Variants in ADGRF5 observed in about 807,000 individuals in gnomAD.
ADGRF5 encodes the protein G-protein coupled receptor 116.
ADGRF5 carries 75 observed loss-of-function variants against 132.3 expected under a neutral mutation model. The ratio of observed to expected loss-of-function variants is 0.57; its 90% CI spans 0.47 to 0.69. The LOEUF (loss-of-function observed/expected upper bound fraction) is 0.69. Ranked by LOEUF, ADGRF5 falls within the 30% of genes least tolerant of loss-of-function variation. ADGRF5 has a pLI of 0.00. For synonymous variants in ADGRF5, 629 were observed against 597.6 expected (o/e 1.05, Z -0.77); for missense variants, 1,516 against 1,630.6 (o/e 0.93, Z 1.21).
chr6:46,954,015 G>A (rs895844079), intron 1 of ADGRF5, among the ~76,000 whole-genome samples: 2 of 151,826 alleles, frequency 1.3e-5, no homozygotes, highest in Non-Finnish European at 2.9e-5. Context: ...GCTCCTCTCT[G>A]AGTCTCAGTG....
At chr6:46,952,661 A>G (rs565633641) in intron 1 of ADGRF5, among the ~76,000 whole-genome samples, 1 of 152,348 alleles carries the variant, frequency 6.6e-6, no homozygotes, top group Non-Finnish European at 1.5e-5. Flanking sequence ...TCTCGATCTG[A>G]TAATTAGGGT....
At chr6:46,890,903 T>A (rs995227957) in intron 3 of ADGRF5, among the ~76,000 whole-genome samples, 1 of 152,220 alleles carries the variant, frequency 6.6e-6, no homozygotes, top group African/African-American at 2.4e-5. Context: ...TGTGAAATAC[T>A]AAAATAGAGT....
At chr6:46,923,450 G>A (rs748994102), upstream of ADGRF5, among the ~76,000 whole-genome samples, 3 of 152,172 alleles carry the variant, frequency 2.0e-5, no homozygotes, top group Non-Finnish European at 2.9e-5. Context: ...TTAGGCTTGA[G>A]ACCAGAGTAT....
At chr6:46,922,197 C>T (rs1412122673), upstream of ADGRF5, among the ~76,000 whole-genome samples, 1 of 152,204 alleles carries the variant, frequency 6.6e-6, no homozygotes, top group Non-Finnish European at 1.5e-5. Context: ...TACAGGATGT[C>T]TGGTTTCAAC....
At chr6:46,885,547 A>T (rs1358332001) in intron 4 of ADGRF5, among the ~76,000 whole-genome samples, 1 of 152,226 alleles carries the variant, frequency 6.6e-6, no homozygotes. Flanking sequence ...GAGGAAGAAT[A>T]AGCATTCTCA....
intron 1 of ADGRF5, among the ~76,000 whole-genome samples, chr6:46,915,506 T>C (rs1448305976): frequency 6.6e-6 from 1 of 152,094 alleles, no homozygotes; most frequent in African/African-American, 2.4e-5. Context: ...ATTTGCAATG[T>C]GGCTTAAAAT....
chr6:46,949,101 G>A (rs1440388185), intron 1 of ADGRF5, among the ~76,000 whole-genome samples: 3 of 152,104 alleles, frequency 2.0e-5, no homozygotes, highest in Non-Finnish European at 4.4e-5. Context: ...TTTTTAATTA[G>A]TGTTTTTAAG....
chr6:46,898,366 TCTGTCTTTGTTC>T (rs1338130995), intron 3 of ADGRF5, among the ~76,000 whole-genome samples: 1 of 152,314 alleles, frequency 6.6e-6, no homozygotes, highest in Non-Finnish European at 1.5e-5. Context: ...TGAGCACATC[TCTGTCTTTGTTC>T]CTGTCATAGA....
intron 1 of ADGRF5, among the ~76,000 whole-genome samples, chr6:46,951,577 C>T (rs1778500251): frequency 6.6e-6 from 1 of 152,198 alleles, no homozygotes; most frequent in Admixed American, 6.5e-5. Context: ...TTTAGCTGTG[C>T]TGCAGTGAGG....
chr6:46,947,635 G>C lies in ADGRF5; in HGVS notation c.-25+7099C>G, dbSNP rs560050736. Among the ~76,000 whole-genome samples, 10 of 152,350 alleles carry C rather than the reference G, an allele frequency of 6.6e-5. No homozygotes were observed. In the South Asian group the frequency reaches 8.3e-4, roughly 13 times the overall value. ...CTTGTTCTTTGAGGAGTAACAAAGA[G>C]AGGAAGCACAGGCTTTGTGGAAGGA... On this transcript the variant is annotated intron_variant, in intron 1 of 20. Transcript: ENST00000265417.
intron 20 of ADGRF5, 44 bp from the exon 21 acceptor site, chr6:46,854,115 T>A: frequency 2.8e-6 from 4 of 1,424,714 alleles, no homozygotes; most frequent in African/African-American, 1.5e-5. Flanking sequence ...CAAGCCATCA[T>A]GAACTCTGGG....
At chr6:46,857,071 G>A (rs546900591) in intron 17 of ADGRF5, among the ~76,000 whole-genome samples, 163 bp from the exon 18 acceptor site, 15 of 152,276 alleles carry the variant, frequency 9.9e-5, no homozygotes, top group Admixed American at 3.9e-4. Flanking sequence ...CAGGCATTTG[G>A]TCCACACCAA....
Position 46,895,418 on chromosome 6 carries a change from G to C in ADGRF5, c.157+4611C>G, listed in dbSNP as rs140002317. ...AGGGCTACATGTCATCATCAGAAAG[G>C]CTGCAATCATGAAAACCCAAAAGTC... On this transcript the variant is annotated intron_variant, in intron 3 of 20. Transcript: ENST00000283296. Among the ~76,000 whole-genome samples, 1,300 of 151,482 alleles carry C rather than the reference G, an allele frequency of 8.6e-3. 20 individuals carry two copies. Among genetic ancestry groups the C allele is most frequent in the African/African-American group, 0.029 (1,181 of 41,264 alleles).
intron 12 of ADGRF5, among the ~76,000 whole-genome samples, chr6:46,868,239 T>C (rs146667891): frequency 6.6e-6 from 1 of 152,346 alleles, no homozygotes; most frequent in East Asian, 1.9e-4. Context: ...TAACCTTGGG[T>C]AATTTACTTA....
chr6:46,953,649 GTGTATATA>G (rs756589381), intron 1 of ADGRF5, among the ~76,000 whole-genome samples: 17,165 of 91,302 alleles, frequency 0.19, 2,361 homozygotes, highest in South Asian at 0.28. Context: ...ATAGATATAT[GTGTATATA>G]TATATATATA....
Position 46,878,195 on chromosome 6 carries a change from T to C in ADGRF5, c.1240+7A>G, listed in dbSNP as rs1772028263. The C allele has an allele frequency of 1.3e-6, 2 of 1,594,894 alleles. No homozygotes were observed. The highest frequency in any genetic ancestry group is 1.7e-6 in the Non-Finnish European group (2 of 1,162,548). On this transcript the variant is annotated splice_region_variant and intron_variant, in intron 10 of 20. Transcript: ENST00000283296. Reference sequence around the variant, plus strand: ...TATTTGCAAAAGGGCTTATCTAACATTCTCACCTGGAATATTTATTTTTCC... The same window carrying C: ...TATTTGCAAAAGGGCTTATCTAACACTCTCACCTGGAATATTTATTTTTCC...
At chr6:46,893,523 C>T (rs1276594751) in intron 3 of ADGRF5, among the ~76,000 whole-genome samples, 1 of 152,056 alleles carries the variant, frequency 6.6e-6, no homozygotes, top group African/African-American at 2.4e-5. Context: ...AATGCCAAAC[C>T]CACCTGTCCC....
chr6:46,952,494 G>T (rs993694620), intron 1 of ADGRF5, among the ~76,000 whole-genome samples: 1 of 152,176 alleles, frequency 6.6e-6, no homozygotes, highest in Non-Finnish European at 1.5e-5. Flanking sequence ...GAAAGAGGCT[G>T]TCACATAGAT....
At chr6:46,912,028 T>G (rs112640558) in intron 1 of ADGRF5, among the ~76,000 whole-genome samples, 63 of 152,196 alleles carry the variant, frequency 4.1e-4, no homozygotes, top group Middle Eastern at 3.4e-3. Context: ...TCTTTACAAT[T>G]CTAATGGGGT....
Sources: gnomAD v4.1 joint callset for allele counts (sites outside exome capture counted in the v4.1 genomes callset) on GRCh38, gnomAD v4.1.1 for gene constraint, MANE v1.5 for transcripts, NCBI Gene and HGNC (gene_info 2026-07-23, HGNC 2026-07-21) for gene names.